The following KCNH7 variants were observed in gnomAD, a reference collection of about 807,000 sequenced individuals.
The protein encoded by KCNH7 is potassium voltage-gated channel subfamily H member 7, also known as voltage-gated inwardly rectifying potassium channel KCNH7.
A neutral mutation model predicts 120.8 loss-of-function variants in KCNH7; 49 were observed. The ratio of observed to expected loss-of-function variants is 0.41; its 90% CI spans 0.32 to 0.51. The LOEUF is 0.51. Among genes scored for constraint, KCNH7 ranks in the 20% least tolerant of loss-of-function variants. KCNH7 has a pLI of 0.38. For missense variants in KCNH7, 1,097 were observed against 1,446.6 expected (o/e 0.76, Z 3.92); for synonymous variants, 547 against 516.1 (o/e 1.06, Z -0.81).
chr2:162,765,400 T>C (rs1028207399), intron 2 of KCNH7, among the ~76,000 whole-genome samples: 2 of 152,190 alleles, frequency 1.3e-5, no homozygotes, highest in Non-Finnish European at 2.9e-5. Flanking sequence ...TGTTCACACT[T>C]TGAATCTCGC....
intron 2 of KCNH7, among the ~76,000 whole-genome samples, chr2:162,817,009 G>A (rs192850070): frequency 6.6e-6 from 1 of 152,036 alleles, no homozygotes. Flanking sequence ...GTCTTACTAG[G>A]TCTGGGTAAT....
chr2:162,727,513 C>T lies in KCNH7; in HGVS notation c.307+109024G>A, dbSNP rs374186088. On this transcript the variant is annotated intron_variant, in intron 2 of 15. Coordinates refer to ENST00000332142, the MANE Select transcript of KCNH7 (RefSeq NM_033272.4). ...ACCCCACTCTACCCATAGTCCCAGA[C>T]GTTCATTGATGTACTTTGTTACTAC... Among the ~76,000 whole-genome samples the T allele has an allele frequency of 8.3e-4, 127 of 152,200 alleles. 1 individual carries two copies. Among genetic ancestry groups the T allele is most frequent in the African/African-American group, 2.4e-3 (101 of 41,552 alleles).
chr2:162,382,740 G>T (rs1686456272), intron 13 of KCNH7, among the ~76,000 whole-genome samples: 1 of 151,948 alleles, frequency 6.6e-6, no homozygotes, highest in Admixed American at 6.6e-5. Context: ...GCAGCAACAA[G>T]TCACACATTG....
chr2:162,397,566 C>T (rs538575092), intron 10 of KCNH7, among the ~76,000 whole-genome samples: 1 of 151,782 alleles, frequency 6.6e-6, no homozygotes, highest in Admixed American at 6.6e-5. Context: ...GTCCTTCTTG[C>T]TCTTCTGTAA....
intron 12 of KCNH7, among the ~76,000 whole-genome samples, chr2:162,387,078 A>T (rs1178739310): frequency 6.6e-6 from 1 of 151,278 alleles, no homozygotes; most frequent in Non-Finnish European, 1.5e-5. Flanking sequence ...TAAAAGAAGA[A>T]GAAAAAAATT....
chr2:162,410,838 A>T (rs1423977925), intron 9 of KCNH7, among the ~76,000 whole-genome samples: 1 of 152,130 alleles, frequency 6.6e-6, no homozygotes, highest in African/African-American at 2.4e-5. Flanking sequence ...GCCAAGAAAC[A>T]TATGAAAAAA....
chr2:162,400,939 A>G (rs1365095365), intron 9 of KCNH7, among the ~76,000 whole-genome samples: 2 of 151,928 alleles, frequency 1.3e-5, no homozygotes, highest in African/African-American at 4.8e-5. Context: ...AATGTCATGT[A>G]ACAGAGTGTG....
At chr2:162,553,613 C>T (rs755841573) in intron 2 of KCNH7, among the ~76,000 whole-genome samples, 8 of 151,892 alleles carry the variant, frequency 5.3e-5, no homozygotes, top group Non-Finnish European at 1.0e-4. Context: ...TGCGCCACTG[C>T]GGTCCATCCT....
chr2:162,588,541 A>C (rs1694098150), intron 2 of KCNH7, among the ~76,000 whole-genome samples: 1 of 152,030 alleles, frequency 6.6e-6, no homozygotes, highest in Admixed American at 6.5e-5. Context: ...GTCCCTCTTA[A>C]TTCAGTCTTT....
chr2:162,524,221 T>C (rs1047431599), intron 3 of KCNH7, among the ~76,000 whole-genome samples: 1 of 152,034 alleles, frequency 6.6e-6, no homozygotes, highest in Non-Finnish European at 1.5e-5. Context: ...CCAGTCCTCC[T>C]GGAGCTCAAA....
chr2:162,396,087 A>T (rs1460261976), intron 11 of KCNH7, among the ~76,000 whole-genome samples: 1 of 151,764 alleles, frequency 6.6e-6, no homozygotes, highest in Non-Finnish European at 1.5e-5. Context: ...GTAATAGCTC[A>T]TAAGGGCACA....
At chr2:162,756,041 T>C (rs16847236) in intron 2 of KCNH7, among the ~76,000 whole-genome samples, 7,727 of 152,290 alleles carry the variant, frequency 0.051, 244 homozygotes, top group African/African-American at 0.089. Context: ...AGGGTTCTAC[T>C]CTAATTATGT....
At chr2:162,769,955 G>T (rs1156842203) in intron 2 of KCNH7, among the ~76,000 whole-genome samples, 1 of 151,862 alleles carries the variant, frequency 6.6e-6, no homozygotes, top group Non-Finnish European at 1.5e-5. Flanking sequence ...TTTTTAGAAT[G>T]GTACAATACA....
intron 12 of KCNH7, among the ~76,000 whole-genome samples, chr2:162,388,655 A>G (rs1686650869): frequency 1.3e-5 from 2 of 151,938 alleles, no homozygotes; most frequent in Admixed American, 1.3e-4. Flanking sequence ...ATCTAATAAA[A>G]CCAGAATAGA....
intron 2 of KCNH7, among the ~76,000 whole-genome samples, chr2:162,625,950 A>G (rs1476557325): frequency 6.6e-6 from 1 of 152,162 alleles, no homozygotes; most frequent in Non-Finnish European, 1.5e-5. Context: ...TTACATAATT[A>G]TGTCCATCAA....
intron 2 of KCNH7, among the ~76,000 whole-genome samples, chr2:162,579,740 A>C (rs1215796874): frequency 6.6e-6 from 1 of 152,070 alleles, no homozygotes; most frequent in Non-Finnish European, 1.5e-5. Flanking sequence ...ATGGCAACAG[A>C]AGCAGTTGGT....
chr2:162,421,022 C>T (rs1035945124), intron 9 of KCNH7, among the ~76,000 whole-genome samples: 2 of 151,590 alleles, frequency 1.3e-5, no homozygotes, highest in African/African-American at 4.8e-5. Flanking sequence ...TAGTGCTTAA[C>T]AAGTAAGCAT....
At chr2:162,573,662 T>G (rs1483102692) in intron 2 of KCNH7, among the ~76,000 whole-genome samples, 1 of 152,054 alleles carries the variant, frequency 6.6e-6, no homozygotes, top group Non-Finnish European at 1.5e-5. Flanking sequence ...TGTGTGTTTA[T>G]GTTGCATACA....
chr2:162,558,568 T>A (rs1172293767), intron 2 of KCNH7, among the ~76,000 whole-genome samples: 2 of 142,950 alleles, frequency 1.4e-5, no homozygotes, highest in East Asian at 2.1e-4. Flanking sequence ...AATGAGAACC[T>A]GCAGTATGTA....
Sources: allele counts gnomAD v4.1 joint callset (sites outside exome capture counted in the v4.1 genomes callset), GRCh38; gene constraint gnomAD v4.1.1; transcripts MANE v1.5; gene names NCBI Gene and HGNC (gene_info 2026-07-23, HGNC 2026-07-21).